PRMT3: variants seen among roughly 807,000 people sequenced by gnomAD.
PRMT3 encodes protein arginine methyltransferase 3.
A neutral mutation model predicts 71.9 loss-of-function variants in PRMT3; 62 were observed. The ratio of observed to expected loss-of-function variants is 0.86; its 90% CI spans 0.70 to 1.07. The LOEUF is 1.07. PRMT3 is among the 50% of genes least tolerant of loss of function. The probability of loss-of-function intolerance (pLI) is 0.00; values close to 1 mark genes in which losing one functional copy is unlikely to be tolerated. For synonymous variants in PRMT3, 213 were observed against 220.4 expected, an observed-to-expected ratio of 0.97 and a Z score of 0.30; for missense variants, 663 against 643.0, an observed-to-expected ratio of 1.03 and a Z score of -0.34.
At chr11:20,410,307 C>G (rs1849166572) in intron 9 of PRMT3, among the ~76,000 whole-genome samples, 1 of 151,902 alleles carries the variant, frequency 6.6e-6, no homozygotes, top group African/African-American at 2.4e-5. Context: ...CAAATTATTG[C>G]TAGAAGGAAA....
At chr11:20,473,922 A>T (rs984003531) in intron 13 of PRMT3, among the ~76,000 whole-genome samples, 13 of 151,920 alleles carry the variant, frequency 8.6e-5, no homozygotes, top group African/African-American at 2.7e-4. Context: ...CAGGTTTTTC[A>T]TTGATGTTGT....
intron 15 of PRMT3, 112 bp downstream of exon 15, chr11:20,494,366 T>A (rs886974058): frequency 3.3e-6 from 3 of 905,852 alleles, no homozygotes; most frequent in Admixed American, 4.8e-5. Flanking sequence ...TGAGACGGAG[T>A]CTCGCTGTCT....
rs1343015550 is a variant in PRMT3, at chr11:20,452,134, A to G, written c.998A>G (p.Tyr333Cys). 3.1e-6 allele frequency: 5 copies of G among 1,603,188 alleles called. No individual in the cohort carries two copies. The highest frequency in any genetic ancestry group is 3.4e-6 in the Non-Finnish European group (4 of 1,171,188). Reference protein sequence around the residue: ...VDVIISEWMGYFLLFESMLDS... With the variant: ...VDVIISEWMGCFLLFESMLDS... ...TTTTCCCCTTTTTTTATGCAGGGCT[A>G]TTTTCTTCTGTTTGAGTCTATGTTA... Residue 333 changes from tyrosine to cysteine, a missense_variant, in exon 11 of 16, where the codon TAT becomes TGT. Coordinates refer to ENST00000331079, the MANE Select transcript of PRMT3 (RefSeq NM_005788.4).
At chr11:20,420,459 C>T (rs1424538362) in intron 9 of PRMT3, among the ~76,000 whole-genome samples, 1 of 152,156 alleles carries the variant, frequency 6.6e-6, no homozygotes. Context: ...GGCCACACAG[C>T]AGGAGGTGAG....
chr11:20,415,020 G>GTC (rs911588668), intron 9 of PRMT3, among the ~76,000 whole-genome samples: 7 of 119,380 alleles, frequency 5.9e-5, no homozygotes, highest in African/African-American at 1.9e-4. Flanking sequence ...TGGTAGTGGT[G>GTC]TGTGTGTGTG....
intron 10 of PRMT3, among the ~76,000 whole-genome samples, chr11:20,443,383 GTTTCT>G (rs1849951895): frequency 6.6e-6 from 1 of 152,172 alleles, no homozygotes; most frequent in Admixed American, 6.5e-5. Flanking sequence ...ATTTAGGGCA[GTTTCT>G]TCTTAGAGTT....
Position 20,389,810 on chromosome 11 carries a change from C to A in PRMT3, c.231C>A (p.Ser77Arg). The A allele has an allele frequency of 6.2e-7, 1 of 1,609,904 alleles. No homozygotes were observed. The highest frequency in any genetic ancestry group is 8.5e-7 in the Non-Finnish European group (1 of 1,176,446). The change falls in exon 3 of 16, where the codon AGC becomes AGA. Residue 77 changes from serine (S) to arginine (R), a missense_variant. By Grantham distance (110) the Ser-to-Arg change is moderately radical. Coordinates refer to ENST00000331079, the MANE Select transcript of PRMT3 (RefSeq NM_005788.4). ...CTGAGCATCAGTTTAATATTGACAG[C>A]ATGGTTCATAAACATGGTGAGTAGT... ...CKSEHQFNID[S>R]MVHKHGLEFY...
At chr11:20,450,188 A>G (rs1463975388) in intron 10 of PRMT3, among the ~76,000 whole-genome samples, 1 of 152,186 alleles carries the variant, frequency 6.6e-6, no homozygotes, top group African/African-American at 2.4e-5. Context: ...CTTAATTTGT[A>G]CTAAAGTGTT....
chr11:20,478,355 G>C (rs1273738666), intron 13 of PRMT3, among the ~76,000 whole-genome samples: 1 of 152,054 alleles, frequency 6.6e-6, no homozygotes, highest in African/African-American at 2.4e-5. Flanking sequence ...CAGAAATAAA[G>C]TTAGGAAAGG....
chr11:20,451,232 A>G (rs1850141382), intron 10 of PRMT3, among the ~76,000 whole-genome samples: 1 of 152,106 alleles, frequency 6.6e-6, no homozygotes, highest in African/African-American at 2.4e-5. Flanking sequence ...AATCGGTAGT[A>G]CACCAGGATC....
intron 12 of PRMT3, among the ~76,000 whole-genome samples, chr11:20,464,074 G>A (rs1193406192): frequency 1.3e-5 from 2 of 152,162 alleles, no homozygotes; most frequent in African/African-American, 4.8e-5. Context: ...TTTTATAGCA[G>A]TTGTGGTGGG....
intron 5 of PRMT3, chr11:20,393,926 A>G (rs565368844): frequency 1.3e-5 from 2 of 152,332 alleles, no homozygotes; most frequent in African/African-American, 4.8e-5. Context: ...TGTGCTGATT[A>G]ATTTTTGGTG....
chr11:20,473,698 A>T (rs1464296838), intron 13 of PRMT3, among the ~76,000 whole-genome samples: 2 of 152,108 alleles, frequency 1.3e-5, no homozygotes, highest in Non-Finnish European at 2.9e-5. Context: ...CCTTTAGCTC[A>T]GCAAAGTTCA....
At chr11:20,464,149 G>C (rs906600959) in intron 12 of PRMT3, among the ~76,000 whole-genome samples, 1 of 152,108 alleles carries the variant, frequency 6.6e-6, no homozygotes, top group African/African-American at 2.4e-5. Flanking sequence ...TTATTTGAAA[G>C]TATTTATTTT....
chr11:20,501,582 GATAAAA>G (rs1484028287), intron 15 of PRMT3, among the ~76,000 whole-genome samples: 6 of 152,198 alleles, frequency 3.9e-5, no homozygotes, highest in African/African-American at 1.4e-4. Context: ...AAGATTTTTA[GATAAAA>G]ATAAATGAAG....
At chr11:20,474,451 G>A (rs1254045094) in intron 13 of PRMT3, among the ~76,000 whole-genome samples, 1 of 152,238 alleles carries the variant, frequency 6.6e-6, no homozygotes, top group African/African-American at 2.4e-5. Flanking sequence ...TCTAGGGACA[G>A]ATCTCTGGCC....
chr11:20,410,679 T>C (rs1020776738), intron 9 of PRMT3, among the ~76,000 whole-genome samples: 9 of 152,108 alleles, frequency 5.9e-5, no homozygotes, highest in Non-Finnish European at 1.2e-4. Flanking sequence ...TATTTGTCAC[T>C]GGTGCAGAGC....
At chr11:20,480,368 G>A (rs961024023) in intron 13 of PRMT3, among the ~76,000 whole-genome samples, 1 of 152,110 alleles carries the variant, frequency 6.6e-6, no homozygotes, top group Non-Finnish European at 1.5e-5. Context: ...TTTTTTGCTT[G>A]TATATAGTAC....
rs775089679 is a variant in PRMT3, at chr11:20,393,005, A to G, written c.400+6A>G. Reference sequence around the variant, plus strand: ...TGACCTTTTACTTCAATTTGGTAAGATGAACATAAGTGTATCTCCTTTAAT... The same window carrying G: ...TGACCTTTTACTTCAATTTGGTAAGGTGAACATAAGTGTATCTCCTTTAAT... On this transcript the variant is annotated splice_donor_region_variant and intron_variant, in intron 5 of 15. Transcript: ENST00000331079. 82 of 1,542,212 alleles carry G rather than the reference A, an allele frequency of 5.3e-5. No homozygotes were observed. In the Admixed American group the frequency reaches 1.3e-3, roughly 25 times the overall value.
Sources: gnomAD v4.1 joint callset for allele counts (sites outside exome capture counted in the v4.1 genomes callset) on GRCh38, gnomAD v4.1.1 for gene constraint, MANE v1.5 for transcripts, NCBI Gene and HGNC (gene_info 2026-07-23, HGNC 2026-07-21) for gene names.